DNAI7: variants seen among roughly 807,000 people sequenced by gnomAD.
DNAI7 encodes dynein axonemal intermediate chain 7, also known as cancer susceptibility 1.
Under a neutral mutation model 86.6 loss-of-function variants are expected in DNAI7, and 78 were observed. That is an observed-to-expected ratio of 0.90 (90% confidence interval 0.75 to 1.09). The LOEUF is 1.09. Ranked by LOEUF, DNAI7 falls within the 50% of genes least tolerant of loss-of-function variation. The pLI, the probability that DNAI7 is intolerant of heterozygous loss-of-function variation, is 0.00. For missense variants in DNAI7, 753 were observed against 810.2 expected (o/e 0.93, Z 0.86); for synonymous variants, 274 against 273.0 (o/e 1.00, Z -0.04).
intron 7 of DNAI7, among the ~76,000 whole-genome samples, chr12:25,147,316 CT>C (rs1174906524): frequency 2.6e-5 from 4 of 152,166 alleles, no homozygotes; most frequent in Admixed American, 6.5e-5. Flanking sequence ...AAATATGCAT[CT>C]CCTTTTTCCA....
intron 2 of DNAI7, among the ~76,000 whole-genome samples, chr12:25,173,477 C>T (rs779470976): frequency 6.6e-6 from 1 of 151,932 alleles, no homozygotes; most frequent in African/African-American, 2.4e-5. Context: ...ATATGGTGAA[C>T]AGGAAAAACT....
chr12:25,138,564 A>G (rs996516619), intron 9 of DNAI7, among the ~76,000 whole-genome samples: 1 of 152,228 alleles, frequency 6.6e-6, no homozygotes, highest in South Asian at 2.1e-4. Context: ...CCTCAAAACC[A>G]TGCAAATAAA....
chr12:25,188,669 G>A (rs1950247048), intron 2 of DNAI7, among the ~76,000 whole-genome samples: 1 of 45,600 alleles, frequency 2.2e-5, no homozygotes, highest in African/African-American at 7.6e-5. Flanking sequence ...GCAAGACTCT[G>A]TCTCAAAAAA....
intron 4 of DNAI7, among the ~76,000 whole-genome samples, chr12:25,157,302 T>C (rs1946301622): frequency 2.0e-5 from 3 of 149,614 alleles, no homozygotes; most frequent in African/African-American, 7.5e-5. Flanking sequence ...AAAAAAAGTT[T>C]TGATACAGTA....
intron 2 of DNAI7, among the ~76,000 whole-genome samples, chr12:25,163,039 C>T (rs1212085424): frequency 2.0e-5 from 3 of 152,198 alleles, no homozygotes; most frequent in Non-Finnish European, 2.9e-5. Flanking sequence ...GGGAGACACC[C>T]CAAATACGGT....
At chr12:25,187,974 T>C (rs1272383960) in intron 2 of DNAI7, among the ~76,000 whole-genome samples, 3 of 152,172 alleles carry the variant, frequency 2.0e-5, no homozygotes, top group African/African-American at 7.2e-5. Context: ...CCTGAGAATT[T>C]AAACCACAAG....
At chr12:25,153,042 T>C (rs562161374) in intron 6 of DNAI7, among the ~76,000 whole-genome samples, 33 of 152,334 alleles carry the variant, frequency 2.2e-4, no homozygotes, top group Admixed American at 5.2e-4. Flanking sequence ...TACTCTATAA[T>C]ACATGCCTGT....
chr12:25,159,029 A>G (rs7956668), intron 3 of DNAI7, among the ~76,000 whole-genome samples: 151,963 of 152,318 alleles, frequency 1, 75,808 homozygotes, highest in Middle Eastern at 1. Flanking sequence ...ACAGTGTGGC[A>G]ATTCCTCAAG....
chr12:25,138,961 G>A (rs183401237), intron 9 of DNAI7, among the ~76,000 whole-genome samples: 1 of 151,552 alleles, frequency 6.6e-6, no homozygotes, highest in East Asian at 1.9e-4. Context: ...GACCATTAGC[G>A]AGATTAACCA....
chr12:25,154,734 T>C (rs1945955410), intron 5 of DNAI7, among the ~76,000 whole-genome samples: 3 of 152,246 alleles, frequency 2.0e-5, no homozygotes, highest in African/African-American at 7.2e-5. Context: ...TTTGCTTAGT[T>C]TTCCTCTCTA....
At chr12:25,111,278 C>G (rs1555149394) in intron 14 of DNAI7, among the ~76,000 whole-genome samples, 1 of 152,206 alleles carries the variant, frequency 6.6e-6, no homozygotes, top group Non-Finnish European at 1.5e-5. Context: ...CCTCAAGAAG[C>G]TCACAGTTTA....
Position 25,109,154 on chromosome 12 carries a change from C to T in DNAI7, c.1894-331G>A, listed in dbSNP as rs532064526. 2.0e-5 allele frequency among the ~76,000 whole-genome samples: 3 copies of T among 152,262 alleles called. No individual in the cohort carries two copies. In the South Asian group the frequency reaches 6.2e-4, roughly 32 times the overall value. ...ATACAACATATATAAATAACAACTG[C>T]AACAACAAAGCCCTGCCCTCAAGGG... On this transcript the variant is annotated intron_variant, in intron 15 of 15. Coordinates refer to ENST00000395987, the MANE Select transcript of DNAI7 (RefSeq NM_018272.5).
At chr12:25,116,437 G>C (rs575720024) in intron 12 of DNAI7, among the ~76,000 whole-genome samples, 1 of 152,002 alleles carries the variant, frequency 6.6e-6, no homozygotes, top group Non-Finnish European at 1.5e-5. Context: ...AATTACTGAA[G>C]TTGTAGAGTG....
chr12:25,159,113 G>T (rs1946548178), intron 3 of DNAI7, among the ~76,000 whole-genome samples: 1 of 152,176 alleles, frequency 6.6e-6, no homozygotes. Context: ...TATAAATCAT[G>T]CTACTATAAA....
At chr12:25,123,648 A>C (rs1941660372) in intron 9 of DNAI7, among the ~76,000 whole-genome samples, 1 of 152,214 alleles carries the variant, frequency 6.6e-6, no homozygotes, top group Non-Finnish European at 1.5e-5. Flanking sequence ...GCTCTGGTAG[A>C]GTCATCCCAA....
At chr12:25,169,316 C>A (rs1000079304) in intron 2 of DNAI7, among the ~76,000 whole-genome samples, 18 of 150,182 alleles carry the variant, frequency 1.2e-4, no homozygotes, top group Admixed American at 1.3e-4. Flanking sequence ...CACCTTGTGA[C>A]CCCCACTCCT....
chr12:25,119,093 A>C, intron 12 of DNAI7, 52 bp downstream of exon 12: 4 of 1,438,864 alleles, frequency 2.8e-6, no homozygotes, highest in East Asian at 2.3e-5. Flanking sequence ...GTTTCAACTT[A>C]AGGGTTTTTA....
intron 2 of DNAI7, among the ~76,000 whole-genome samples, chr12:25,179,733 C>T (rs1443761999): frequency 1.3e-5 from 2 of 151,472 alleles, no homozygotes; most frequent in Admixed American, 6.6e-5. Context: ...ATCCAATATC[C>T]TTTCATGATT....
At chr12:25,160,597 G>A (rs547226903) in intron 3 of DNAI7, among the ~76,000 whole-genome samples, 13 of 152,116 alleles carry the variant, frequency 8.5e-5, no homozygotes, top group Non-Finnish European at 1.5e-4. Context: ...TAGCCAATAG[G>A]GGAATGACAC....
Sources: allele counts gnomAD v4.1 joint callset (sites outside exome capture counted in the v4.1 genomes callset), GRCh38; gene constraint gnomAD v4.1.1; transcripts MANE v1.5; gene names NCBI Gene and HGNC (gene_info 2026-07-23, HGNC 2026-07-21).